The following ADGRF5 variants were observed in gnomAD, a reference collection of about 807,000 sequenced individuals.
ADGRF5 encodes G-protein coupled receptor 116.
In ADGRF5, 75 loss-of-function variants were observed where a neutral mutation model predicts 132.3. That is an observed-to-expected ratio of 0.57 (90% CI 0.47 to 0.69). The LOEUF (loss-of-function observed/expected upper bound fraction) is 0.69, where lower values mean the gene tolerates loss of function less well. Among genes scored for constraint, ADGRF5 ranks in the 30% least tolerant of loss-of-function variants. ADGRF5 has a pLI of 0.00. For synonymous variants in ADGRF5, 629 were observed against 597.6 expected, an observed-to-expected ratio of 1.05 and a Z score of -0.77; for missense variants, 1,516 against 1,630.6, an observed-to-expected ratio of 0.93 and a Z score of 1.21.
chr6:46,939,445 T>C (rs1296066493), intron 1 of ADGRF5, among the ~76,000 whole-genome samples: 1 of 152,094 alleles, frequency 6.6e-6, no homozygotes, highest in Non-Finnish European at 1.5e-5. Context: ...GTAAACAAAT[T>C]AGTATATGTG....
At position 46,869,004 on chromosome 6, in the gene ADGRF5, A is replaced by T. The variant is rs764046353; in HGVS notation, c.1500T>A (p.Asp500Glu). The T allele has an allele frequency of 8.7e-6, 14 of 1,613,162 alleles. 1 individual carries two copies. In the South Asian group the frequency reaches 1.4e-4, roughly 16 times the overall value. ...IKCISDVSNYDEVYWNTSAGI... is the reference protein window; with the variant it reads ...IKCISDVSNYEEVYWNTSAGI... The stretch of plus-strand genomic sequence containing the variant: ...CAGCAGAAGTGTTCCAATAAACCTC[A>T]TCATAGTTACTCACATCACTGATGC... Residue 500 changes from aspartate to glutamate, a missense_variant, in exon 12 of 21, where the codon GAT (aspartate) becomes GAA (glutamate). Physicochemically the swap from Asp to Glu is conservative, Grantham distance 45. This residue lies in a region of ADGRF5 where 945 missense variants were observed against 929.4 expected (regional missense o/e 1.02). Transcript: ENST00000283296.
intron 1 of ADGRF5, among the ~76,000 whole-genome samples, chr6:46,941,423 AAAG>A (rs138271928): frequency 0.12 from 7,073 of 57,278 alleles, 443 homozygotes; most frequent in Admixed American, 0.28. Flanking sequence ...AAAGAAAAGA[AAAG>A]AAAAGAAAAG....
intron 11 of ADGRF5, among the ~76,000 whole-genome samples, chr6:46,869,832 A>G (rs556155452): frequency 2.6e-5 from 4 of 152,332 alleles, no homozygotes; most frequent in African/African-American, 7.2e-5. Context: ...CTTAATTATA[A>G]CTATATAACT....
intron 3 of ADGRF5, among the ~76,000 whole-genome samples, chr6:46,895,667 C>T (rs1774102492): frequency 6.6e-6 from 1 of 150,398 alleles, no homozygotes; most frequent in Non-Finnish European, 1.5e-5. Flanking sequence ...TTTGCCTCTC[C>T]TCAGTTATTC....
At chr6:46,869,348 T>C (rs1033052268) in intron 11 of ADGRF5, 2 of 985,258 alleles carry the variant, frequency 2.0e-6, no homozygotes, top group African/African-American at 1.7e-5. Context: ...CACTTCACTT[T>C]TGTGGCTGGA....
chr6:46,858,786 T>C lies in ADGRF5; in HGVS notation c.3117A>G (p.Lys1039=), dbSNP rs375443257. Residue 1039 remains lysine, a synonymous_variant, in exon 17 of 21, where the codon AAA becomes AAG. Transcript: ENST00000283296. ...AAGAAGTCCGGTTCTTGGTCACCGATTTCCACACCACAGCTTCCACAACTA... is the reference window on the plus strand; with the variant it reads ...AAGAAGTCCGGTTCTTGGTCACCGACTTCCACACCACAGCTTCCACAACTA... ...ACLVVEAVVW[K]SVTKNRTSYM... 25 of 1,613,204 alleles carry C rather than the reference T, an allele frequency of 1.5e-5. No individual in the cohort carries two copies. The highest frequency in any genetic ancestry group is 5.4e-5 in the African/African-American group (4 of 74,618).
intron 14 of ADGRF5, chr6:46,863,302 A>G (rs1770009723): frequency 3.0e-6 from 2 of 666,406 alleles, no homozygotes; most frequent in Non-Finnish European, 5.5e-6. Context: ...GACTTCTGTA[A>G]TCGGAACTTC....
intron 3 of ADGRF5, among the ~76,000 whole-genome samples, chr6:46,899,828 C>T (rs1055896306): frequency 2.6e-5 from 4 of 151,800 alleles, no homozygotes; most frequent in African/African-American, 9.7e-5. Context: ...AAGGAGGGTT[C>T]TTACGTGTTG....
chr6:46,913,540 G>A (rs1352507368), intron 1 of ADGRF5, among the ~76,000 whole-genome samples: 2 of 151,938 alleles, frequency 1.3e-5, no homozygotes, highest in East Asian at 1.9e-4. Flanking sequence ...GGTCAACTAT[G>A]TCCAGTGGTG....
chr6:46,880,113 C>A, intron 8 of ADGRF5, 74 bp from the exon 9 acceptor site: 2 of 988,870 alleles, frequency 2.0e-6, no homozygotes, highest in East Asian at 5.0e-5. Context: ...CACACACAAC[C>A]ACCACAAGGC....
chr6:46,855,987 C>A lies in ADGRF5; in HGVS notation c.3948G>T (p.Leu1316Phe), dbSNP rs772132641. Residue 1316 changes from leucine (L) to phenylalanine (F), a missense_variant, in exon 20 of 21, where the codon TTG becomes TTT. Coordinates refer to ENST00000283296, the MANE Select transcript of ADGRF5 (RefSeq NM_001098518.2). The stretch of plus-strand genomic sequence containing the variant: ...GCCACTACTCACCTGTTTTACCAAA[C>A]AAATTGTTAAATCTCCTTGATATTG... ...SSPISRRFNN[L>F]FGKTGTYNVS... 10 of 1,594,798 alleles carry A rather than the reference C, an allele frequency of 6.3e-6. No individual in the cohort carries two copies. In the Admixed American group the frequency reaches 1.0e-4, roughly 16 times the overall value.
At position 46,911,092 on chromosome 6, in the gene ADGRF5, G is replaced by A. The variant is rs547812911; in HGVS notation, c.-24-4306C>T. On this transcript the variant is annotated intron_variant, in intron 1 of 20. Coordinates refer to ENST00000283296, the MANE Select transcript of ADGRF5 (RefSeq NM_001098518.2). The stretch of plus-strand genomic sequence containing the variant: ...GCCCCTCATGTACACCATGGCAATG[G>A]CTTCCCTTCTTTACTTCTCTGCTCC... 2.0e-5 allele frequency among the ~76,000 whole-genome samples: 3 copies of A among 152,202 alleles called. No homozygotes were observed. In the East Asian group the frequency reaches 5.8e-4, roughly 29 times the overall value.
At chr6:46,923,934 C>G (rs1004194401), upstream of ADGRF5, among the ~76,000 whole-genome samples, 4 of 152,112 alleles carry the variant, frequency 2.6e-5, no homozygotes, top group Non-Finnish European at 5.9e-5. Context: ...TGGCTGAACC[C>G]AAATTTCTTG....
chr6:46,951,221 C>G (rs1008948334), intron 1 of ADGRF5, among the ~76,000 whole-genome samples: 10 of 152,156 alleles, frequency 6.6e-5, no homozygotes, highest in African/African-American at 2.4e-4. Flanking sequence ...ATGGTGGAAG[C>G]CTGGAGGCAG....
At chr6:46,948,288 C>T (rs1378358909) in intron 1 of ADGRF5, among the ~76,000 whole-genome samples, 2 of 152,140 alleles carry the variant, frequency 1.3e-5, no homozygotes, top group African/African-American at 4.8e-5. Context: ...GACCAAGATG[C>T]AAAAACTTAA....
At chr6:46,881,135 A>T (rs1772416771) in intron 8 of ADGRF5, among the ~76,000 whole-genome samples, 1 of 152,094 alleles carries the variant, frequency 6.6e-6, no homozygotes. Flanking sequence ...TCTATTTCTT[A>T]TTGGTGCATT....
At chr6:46,880,624 C>T (rs1270204903) in intron 8 of ADGRF5, among the ~76,000 whole-genome samples, 1 of 152,150 alleles carries the variant, frequency 6.6e-6, no homozygotes, top group Admixed American at 6.5e-5. Context: ...CCACCCATAG[C>T]TGTGTGGCCC....
At chr6:46,919,279 A>C (rs1049664443) in intron 1 of ADGRF5, among the ~76,000 whole-genome samples, 36 of 152,352 alleles carry the variant, frequency 2.4e-4, no homozygotes, top group African/African-American at 8.4e-4. Flanking sequence ...GTTTCTTCTC[A>C]TCTCAGTCCT....
chr6:46,880,844 A>G (rs1452311125), intron 8 of ADGRF5, among the ~76,000 whole-genome samples: 1 of 151,990 alleles, frequency 6.6e-6, no homozygotes, highest in Non-Finnish European at 1.5e-5. Flanking sequence ...TAATCCCAAC[A>G]CTTTGGGAGG....
Sources: gnomAD v4.1 joint callset for allele counts (sites outside exome capture counted in the v4.1 genomes callset) on GRCh38, gnomAD v4.1.1 for gene constraint, gnomAD v4.1.1 regional missense constraint, MANE v1.5 for transcripts, NCBI Gene and HGNC (gene_info 2026-07-23, HGNC 2026-07-21) for gene names.